Variants in FANK1 observed in about 807,000 individuals in gnomAD.
FANK1 encodes the protein fibronectin type 3 and ankyrin repeat domains protein 1.
FANK1 carries 44 observed loss-of-function variants against 45.3 expected under a neutral mutation model. The ratio of observed to expected loss-of-function variants is 0.97; its 90% confidence interval spans 0.76 to 1.25. The LOEUF (loss-of-function observed/expected upper bound fraction) is 1.25, where lower values mean the gene tolerates loss of function less well. Ranked by LOEUF, FANK1 falls within the 50% of genes most tolerant of loss-of-function variation. The pLI is 0.00. For synonymous variants in FANK1, 149 were observed against 152.5 expected (o/e 0.98, Z 0.17); for missense variants, 391 against 424.4 (o/e 0.92, Z 0.69).
intron 1 of FANK1, among the ~76,000 whole-genome samples, chr10:125,954,022 G>A (rs1949417314): frequency 6.6e-6 from 1 of 152,214 alleles, no homozygotes; most frequent in African/African-American, 2.4e-5. Flanking sequence ...ACCGAACGAA[G>A]GAGGGAAGGG....
At chr10:125,932,557 A>G (rs1947822564) in intron 1 of FANK1, among the ~76,000 whole-genome samples, 1 of 152,040 alleles carries the variant, frequency 6.6e-6, no homozygotes, top group Non-Finnish European at 1.5e-5. Flanking sequence ...ATTTGTGTAC[A>G]TTAATCTTGC....
chr10:125,995,578 T>C, intron 4 of FANK1, 80 bp downstream of exon 4: 3 of 1,395,836 alleles, frequency 2.1e-6, no homozygotes, highest in Non-Finnish European at 2.0e-6. Context: ...TTCATTTTGT[T>C]TTCCTAAAAA....
intron 1 of FANK1, among the ~76,000 whole-genome samples, chr10:125,940,625 T>A (rs1948390727): frequency 6.6e-6 from 1 of 152,080 alleles, no homozygotes; most frequent in African/African-American, 2.4e-5. Flanking sequence ...GAGGCCTTCC[T>A]CTTTTACTAT....
chr10:125,944,931 T>C (rs1484221441), intron 1 of FANK1, among the ~76,000 whole-genome samples: 1 of 152,164 alleles, frequency 6.6e-6, no homozygotes, highest in Non-Finnish European at 1.5e-5. Flanking sequence ...CACCTCTGTA[T>C]TTCTGTGTGT....
intron 3 of FANK1, among the ~76,000 whole-genome samples, chr10:125,991,921 C>G (rs1464567057): frequency 6.6e-6 from 1 of 152,222 alleles, no homozygotes; most frequent in Non-Finnish European, 1.5e-5. Flanking sequence ...CTGCCCTGCT[C>G]TGCCCTTCTC....
At chr10:125,897,557 A>T (rs1589736632) in intron 1 of FANK1, among the ~76,000 whole-genome samples, 1 of 152,292 alleles carries the variant, frequency 6.6e-6, no homozygotes, top group South Asian at 2.1e-4. Flanking sequence ...CTCAGACCAA[A>T]TCTATTCTCT....
chr10:125,985,458 C>T (rs11244751), intron 2 of FANK1, among the ~76,000 whole-genome samples: 52,868 of 151,924 alleles, frequency 0.35, 9,896 homozygotes, highest in South Asian at 0.45. Context: ...TTAGCCCTGG[C>T]GGTTTTTCTG....
At chr10:125,929,326 G>A (rs1488509483) in intron 1 of FANK1, among the ~76,000 whole-genome samples, 1 of 152,206 alleles carries the variant, frequency 6.6e-6, no homozygotes, top group Admixed American at 6.5e-5. Context: ...GTCTGGTGTG[G>A]TATCCTGAGT....
chr10:125,948,381 A>G (rs1948959913), intron 1 of FANK1, among the ~76,000 whole-genome samples: 1 of 152,194 alleles, frequency 6.6e-6, no homozygotes, highest in Non-Finnish European at 1.5e-5. Context: ...AAGACTAATA[A>G]AGAAAAAGAG....
chr10:125,997,539 T>C (rs1446961615), intron 6 of FANK1, 54 bp downstream of exon 6: 1 of 1,549,830 alleles, frequency 6.5e-7, no homozygotes, highest in Non-Finnish European at 8.9e-7. Context: ...ATTGTGTTGC[T>C]AGGCTTGTGC....
At chr10:125,937,332 G>A (rs1398900099) in intron 1 of FANK1, among the ~76,000 whole-genome samples, 1 of 152,090 alleles carries the variant, frequency 6.6e-6, no homozygotes, top group Non-Finnish European at 1.5e-5. Flanking sequence ...ACTGACACTT[G>A]GTATTTTCTG....
At chr10:125,992,666 A>G (rs775261275) in intron 3 of FANK1, among the ~76,000 whole-genome samples, 64 of 152,018 alleles carry the variant, frequency 4.2e-4, no homozygotes, top group African/African-American at 6.3e-4. Flanking sequence ...TCATTTCCCA[A>G]CCTTTGCATG....
At chr10:125,964,144 A>G (rs536484804) in intron 1 of FANK1, among the ~76,000 whole-genome samples, 1 of 147,628 alleles carries the variant, frequency 6.8e-6, no homozygotes, top group South Asian at 2.1e-4. Context: ...TCTGTGATAT[A>G]GTTTTAATCA....
intron 1 of FANK1, among the ~76,000 whole-genome samples, chr10:125,975,830 C>A (rs1043887574): frequency 1.3e-5 from 2 of 152,198 alleles, no homozygotes; most frequent in Non-Finnish European, 2.9e-5. Context: ...GCTGTTTGAT[C>A]ATATCATTGA....
At chr10:125,957,252 C>T (rs941428491) in intron 1 of FANK1, among the ~76,000 whole-genome samples, 2 of 152,160 alleles carry the variant, frequency 1.3e-5, no homozygotes, top group Non-Finnish European at 2.9e-5. Flanking sequence ...TCTTCCAGGC[C>T]CCAGACTCTG....
At chr10:125,998,246 G>A (rs1035488042) in intron 6 of FANK1, among the ~76,000 whole-genome samples, 1 of 152,158 alleles carries the variant, frequency 6.6e-6, no homozygotes, top group Non-Finnish European at 1.5e-5. Flanking sequence ...AGATGACATC[G>A]ACAGACAGCT....
At chr10:125,903,501 T>A in intron 1 of FANK1, among the ~76,000 whole-genome samples, 1 of 152,262 alleles carries the variant, frequency 6.6e-6, no homozygotes, top group African/African-American at 2.4e-5. Flanking sequence ...GAAGGTGCTC[T>A]CATCCCCACA....
At chr10:126,000,668 C>T (rs7080054) in intron 6 of FANK1, among the ~76,000 whole-genome samples, 104,280 of 152,058 alleles carry the variant, frequency 0.69, 36,098 homozygotes, top group East Asian at 0.78. Context: ...GTGAAAGGAA[C>T]AAATGCATTG....
intron 1 of FANK1, among the ~76,000 whole-genome samples, chr10:125,946,968 TA>T (rs1948846578): frequency 6.9e-6 from 1 of 145,278 alleles, no homozygotes; most frequent in South Asian, 2.3e-4. Context: ...TCAACATTCT[TA>T]AAGAAAAGAA....
Sources: gnomAD v4.1 joint callset for allele counts (sites outside exome capture counted in the v4.1 genomes callset) on GRCh38, gnomAD v4.1.1 for gene constraint, MANE v1.5 for transcripts, NCBI Gene and HGNC (gene_info 2026-07-23, HGNC 2026-07-21) for gene names.